The following PPP1R16A variants were observed in gnomAD, a reference collection of about 807,000 sequenced individuals.
PPP1R16A encodes the protein myosin phosphatase-targeting subunit 3.
PPP1R16A carries 39 observed loss-of-function variants against 46.6 expected under a neutral mutation model. The observed-to-expected ratio is 0.84, with a 90% CI of 0.65 to 1.09. The LOEUF (loss-of-function observed/expected upper bound fraction) is 1.09. Ranked by LOEUF, PPP1R16A falls within the 50% of genes least tolerant of loss-of-function variation. PPP1R16A has a pLI of 0.00. For missense variants in PPP1R16A, 798 were observed against 735.6 expected (o/e 1.08, Z -0.98); for synonymous variants, 413 against 321.5 (o/e 1.28, Z -3.04).
chr8:144,488,259 A>G (rs1055805778), intron 1 of PPP1R16A, among the ~76,000 whole-genome samples: 4 of 149,360 alleles, frequency 2.7e-5, no homozygotes, highest in African/African-American at 1.0e-4. Flanking sequence ...GCAGGAGAGA[A>G]AAGGCAAGGG....
chr8:144,498,689 C>T, intron 3 of PPP1R16A, 81 bp from the exon 4 acceptor site: 2 of 1,390,732 alleles, frequency 1.4e-6, no homozygotes, highest in Non-Finnish European at 2.0e-6. Context: ...CCTTGTCCTT[C>T]CCTGGGTCCT....
Position 144,498,755 on chromosome 8 carries a change from G to A in PPP1R16A, c.260-15G>A, listed in dbSNP as rs182766070. On this transcript the variant is annotated splice_polypyrimidine_tract_variant and intron_variant, in intron 3 of 11. Transcript: ENST00000435887. ...AGGGGCAGGACCCTGTCCTCACCTC[G>A]CCACCTTTTTGCAGTCCGCCAGTTC... 134 of 1,567,412 alleles carry A rather than the reference G, an allele frequency of 8.5e-5. 1 individual carries two copies. The highest frequency in any genetic ancestry group is 6.5e-4 in the South Asian group (55 of 85,036).
Position 144,500,670 on chromosome 8 carries a change from G to C in PPP1R16A, c.832-16G>C. On this transcript the variant is annotated splice_polypyrimidine_tract_variant and intron_variant, in intron 8 of 11. Transcript: ENST00000435887. ...TTCCAGCGCAGCAGTCTGCAGCTCC[G>C]GCCTGCCGTCCACAGGTGCCCCTGG... 1 of 1,608,932 alleles carries C rather than the reference G, an allele frequency of 6.2e-7. No individual in the cohort carries two copies. Among genetic ancestry groups the C allele is most frequent in the Non-Finnish European group, 8.5e-7 (1 of 1,179,394 alleles).
At chr8:144,484,646 G>A (rs952191187) in intron 1 of PPP1R16A, among the ~76,000 whole-genome samples, 2 of 152,232 alleles carry the variant, frequency 1.3e-5, no homozygotes, top group Non-Finnish European at 2.9e-5. Flanking sequence ...AAAGGAAATT[G>A]AAGAGGGAGA....
chr8:144,499,898 AGGAG>A (rs969821340), intron 5 of PPP1R16A, 194 bp from the exon 6 acceptor site: 1 of 587,568 alleles, frequency 1.7e-6, no homozygotes, highest in African/African-American at 1.9e-5. Flanking sequence ...TAGAGACTGC[AGGAG>A]GCCTGTCTGG....
intron 1 of PPP1R16A, among the ~76,000 whole-genome samples, chr8:144,484,199 G>A (rs912102347): frequency 2.6e-5 from 4 of 152,234 alleles, no homozygotes; most frequent in East Asian, 1.9e-4. Flanking sequence ...CACCTAGACC[G>A]AAAGGTCTGT....
At position 144,501,301 on chromosome 8, in the gene PPP1R16A, GC is replaced by G. The variant is rs771598389; in HGVS notation, c.1203+11del. 2.6e-5 allele frequency: 41 copies of G among 1,572,702 alleles called. No individual in the cohort carries two copies. In the Admixed American group the frequency reaches 7.1e-4, roughly 27 times the overall value. On this transcript the variant is annotated splice_region_variant and intron_variant, in intron 11 of 11. Coordinates refer to ENST00000435887, the MANE Select transcript of PPP1R16A (RefSeq NM_001329443.2). ...CAGGCCGCCGCCCCCGGAGGTGAGC[GC>G]CCCGTCCCTGCTCCGCCCAGCGCAG...
chr8:144,495,294 G>A (rs1295388869), intron 2 of PPP1R16A, among the ~76,000 whole-genome samples: 1 of 152,036 alleles, frequency 6.6e-6, no homozygotes, highest in Non-Finnish European at 1.5e-5. Context: ...CTGAAAGAAG[G>A]GGGCATTCTA....
chr8:144,492,567 C>T (rs997101067), intron 2 of PPP1R16A, among the ~76,000 whole-genome samples: 1 of 152,094 alleles, frequency 6.6e-6, no homozygotes, highest in African/African-American at 2.4e-5. Context: ...GATCTCCTGA[C>T]CTCGTGATCT....
In PPP1R16A at chr8:144,488,973, A is replaced by G. The variant is rs148600599; in HGVS notation, c.-913-1061A>G. On this transcript the variant is annotated intron_variant, in intron 1 of 11. Coordinates refer to ENST00000435887, the MANE Select transcript of PPP1R16A (RefSeq NM_001329443.2). ...AATCCCAGCACTTTGGGAGGCTGAGACAGGCGGATCACTTGAGGTCAGGAG... is the reference window on the plus strand; with the variant it reads ...AATCCCAGCACTTTGGGAGGCTGAGGCAGGCGGATCACTTGAGGTCAGGAG... Among the ~76,000 whole-genome samples the G allele has an allele frequency of 3.5e-3, 537 of 151,436 alleles. 2 individuals are homozygous for G. The highest frequency in any genetic ancestry group is 6.6e-3 in the African/African-American group (273 of 41,208).
At position 144,500,127 on chromosome 8, in the gene PPP1R16A, G is replaced by A. The variant is rs761902049; in HGVS notation, c.508G>A (p.Gly170Arg). The A allele has an allele frequency of 5.6e-6, 9 of 1,611,764 alleles. No individual in the cohort carries two copies. The highest frequency in any genetic ancestry group is 1.7e-5 in the Admixed American group (1 of 59,860). ...CAATCTCCTGGCGGTCAACACCGACGGGAACATGCCCTATGACCTGTGTGA... is the reference window on the plus strand; with the variant it reads ...CAATCTCCTGGCGGTCAACACCGACAGGAACATGCCCTATGACCTGTGTGA... Reference protein sequence around the residue: ...GANLLAVNTDGNMPYDLCDDE... With the variant: ...GANLLAVNTDRNMPYDLCDDE... Residue 170 changes from glycine (G) to arginine (R), a missense_variant, in exon 6 of 12, where the codon GGG (glycine) becomes AGG (arginine). By Grantham distance (125) the Gly-to-Arg change is moderately radical (BLOSUM62 -2). Transcript: ENST00000435887.
At chr8:144,482,072 G>A (rs1016030801) in intron 1 of PPP1R16A, among the ~76,000 whole-genome samples, 3 of 132,916 alleles carry the variant, frequency 2.3e-5, no homozygotes, top group South Asian at 2.9e-4. Context: ...CACTGTGCCC[G>A]GCTGCCGCCG....
chr8:144,497,742 C>G (rs548793562), intron 3 of PPP1R16A: 1 of 542,896 alleles, frequency 1.8e-6, no homozygotes, highest in East Asian at 3.3e-5. Flanking sequence ...AGTGGACCCC[C>G]AGGAGCCTGC....
chr8:144,491,355 T>C (rs1410781638), intron 2 of PPP1R16A, among the ~76,000 whole-genome samples: 2 of 152,162 alleles, frequency 1.3e-5, no homozygotes, highest in East Asian at 3.9e-4. Context: ...GGCTCATACC[T>C]ATAATCCCAG....
At position 144,493,581 on chromosome 8, in the gene PPP1R16A, C is replaced by T. The variant is rs1237476070; in HGVS notation, c.-734-2880C>T. ...GGGAGGCAGTCTTTCCTTCTGGAGCCCTCAGCCCACTGCCGTGGGCCTTCG... is the reference window on the plus strand; with the variant it reads ...GGGAGGCAGTCTTTCCTTCTGGAGCTCTCAGCCCACTGCCGTGGGCCTTCG... On this transcript the variant is annotated intron_variant, in intron 2 of 11. Coordinates refer to ENST00000435887, the MANE Select transcript of PPP1R16A (RefSeq NM_001329443.2). This position sits in a 1 kb window ranked among gnomAD's most constrained non-coding sequence, Gnocchi z 4.3. 6.6e-6 allele frequency among the ~76,000 whole-genome samples: 1 copy of T among 152,178 alleles called. No individual in the cohort carries two copies. The highest frequency in any genetic ancestry group is 6.5e-5 in the Admixed American group (1 of 15,280).
chr8:144,487,224 T>C (rs1825654172), intron 1 of PPP1R16A, among the ~76,000 whole-genome samples: 1 of 152,004 alleles, frequency 6.6e-6, no homozygotes, highest in African/African-American at 2.4e-5. Context: ...AAGCAATCCT[T>C]CCCCCTCAGC....
At chr8:144,488,389 G>A (rs1429619159) in intron 1 of PPP1R16A, among the ~76,000 whole-genome samples, 1 of 152,166 alleles carries the variant, frequency 6.6e-6, no homozygotes, top group Non-Finnish European at 1.5e-5. Flanking sequence ...AGAGTCACTG[G>A]GGCTGTGGGA....
intron 3 of PPP1R16A, 45 bp from the exon 4 acceptor site, chr8:144,498,725 T>G: frequency 6.5e-7 from 1 of 1,529,698 alleles, no homozygotes; most frequent in Non-Finnish European, 8.8e-7. Context: ...TGACAGGACC[T>G]GACCAGGGGC....
intron 11 of PPP1R16A, 95 bp from the exon 12 acceptor site, chr8:144,501,425 C>T: frequency 1.4e-6 from 2 of 1,479,572 alleles, no homozygotes; most frequent in East Asian, 2.5e-5. Flanking sequence ...TGCCCCATCT[C>T]TCCTGTCTGT....
Sources: allele counts gnomAD v4.1 joint callset (sites outside exome capture counted in the v4.1 genomes callset), GRCh38; gene constraint gnomAD v4.1.1; non-coding constraint Gnocchi (gnomAD v3.1); transcripts MANE v1.5; gene names NCBI Gene and HGNC (gene_info 2026-07-23, HGNC 2026-07-21).